Variants in COMMD1 observed in about 807,000 individuals in gnomAD.
COMMD1 encodes the protein copper metabolism domain containing 1, also known as COMM domain-containing protein 1.
A neutral mutation model predicts 17.2 loss-of-function variants in COMMD1; 10 were observed. The observed-to-expected ratio is 0.58, with a 90% CI of 0.36 to 0.99. The LOEUF (loss-of-function observed/expected upper bound fraction) is 0.99, where lower values mean the gene tolerates loss of function less well. COMMD1 is among the 50% of genes least tolerant of loss of function. The pLI is 0.01. For synonymous variants in COMMD1, 97 were observed against 91.6 expected (o/e 1.06, Z -0.34); for missense variants, 270 against 231.8 (o/e 1.17, Z -1.07).
chr2:61,920,495 A>G (rs1418371818), intron 1 of COMMD1, among the ~76,000 whole-genome samples: 1 of 151,988 alleles, frequency 6.6e-6, no homozygotes, highest in Non-Finnish European at 1.5e-5. Context: ...GTGTTCCTCT[A>G]AAAAAGGCTA....
rs757688090 is a variant in COMMD1 at position 62,135,851 on chromosome 2, G to A, written c.483G>A (p.Leu161=). 2.6e-5 allele frequency: 41 copies of A among 1,567,026 alleles called. 1 individual carries two copies. In the South Asian group the frequency reaches 4.4e-4, roughly 17 times the overall value. The change falls in exon 3 of 3, where the codon TTG becomes TTA. Residue 161 remains leucine (L), a synonymous_variant. Coordinates refer to ENST00000311832, the MANE Select transcript of COMMD1 (RefSeq NM_152516.4). ...TCCAGGAATCTGAATTTCTGTGTTTGGAATTTGATGAGGTCAAAGTCAACC... is the reference window on the plus strand; with the variant it reads ...TCCAGGAATCTGAATTTCTGTGTTTAGAATTTGATGAGGTCAAAGTCAACC... ...KYGQESEFLC[L]EFDEVKVNQI...
At chr2:61,999,930 C>CTT (rs113297946) in intron 1 of COMMD1, among the ~76,000 whole-genome samples, 2 of 140,138 alleles carry the variant, frequency 1.4e-5, no homozygotes, top group Non-Finnish European at 1.5e-5. Context: ...CCCCCACCCA[C>CTT]TTTTTTTTTT....
At chr2:62,048,785 G>C (rs954673997) in intron 2 of COMMD1, among the ~76,000 whole-genome samples, 2 of 151,880 alleles carry the variant, frequency 1.3e-5, no homozygotes, top group Non-Finnish European at 2.9e-5. Flanking sequence ...TACTTGTCTT[G>C]AGTATTTGGA....
intron 2 of COMMD1, among the ~76,000 whole-genome samples, chr2:62,067,723 C>T (rs13412733): frequency 3.1e-4 from 47 of 152,260 alleles, no homozygotes; most frequent in African/African-American, 1.0e-3. Flanking sequence ...CCTGTTTGCT[C>T]GGATTCTTCT....
chr2:61,962,230 C>G (rs539067465), intron 1 of COMMD1, among the ~76,000 whole-genome samples: 1 of 152,226 alleles, frequency 6.6e-6, no homozygotes, highest in South Asian at 2.1e-4. Context: ...TTTTCCACTA[C>G]TTCTGCTTGG....
intron 1 of COMMD1, among the ~76,000 whole-genome samples, chr2:61,956,625 G>A (rs1468443749): frequency 1.3e-5 from 2 of 152,002 alleles, no homozygotes; most frequent in East Asian, 3.9e-4. Flanking sequence ...TGGCCAGGCT[G>A]GTCTCAAACT....
intron 2 of COMMD1, among the ~76,000 whole-genome samples, chr2:62,095,822 G>A (rs10203966): frequency 1.5e-3 from 72 of 47,610 alleles, no homozygotes; most frequent in African/African-American, 5.7e-3. Flanking sequence ...ATATATATAT[G>A]CATATCAGGG....
At chr2:61,901,238 C>G (rs1384033761), upstream of COMMD1, among the ~76,000 whole-genome samples, 1 of 151,758 alleles carries the variant, frequency 6.6e-6, no homozygotes, top group South Asian at 2.1e-4. Context: ...TGAGCCACTG[C>G]GCACGACCAA....
At chr2:61,923,414 C>G (rs961371034) in intron 1 of COMMD1, among the ~76,000 whole-genome samples, 2 of 151,924 alleles carry the variant, frequency 1.3e-5, no homozygotes, top group African/African-American at 4.8e-5. Flanking sequence ...TTCTCAACAT[C>G]TAGCTAAATG....
At chr2:61,999,255 A>G (rs140691773) in intron 1 of COMMD1, among the ~76,000 whole-genome samples, 12 of 152,354 alleles carry the variant, frequency 7.9e-5, no homozygotes, top group Non-Finnish European at 1.3e-4. Context: ...GTGCAAATTT[A>G]AGGCATGTTA....
intron 1 of COMMD1, among the ~76,000 whole-genome samples, chr2:61,910,608 G>A (rs2105177157): frequency 6.6e-6 from 1 of 152,246 alleles, no homozygotes. Context: ...TTATAGGTAT[G>A]AGTTTGCGTG....
At chr2:61,961,450 T>TG (rs1210153731) in intron 1 of COMMD1, among the ~76,000 whole-genome samples, 2 of 152,240 alleles carry the variant, frequency 1.3e-5, no homozygotes, top group Non-Finnish European at 2.9e-5. Flanking sequence ...GGCTGGGGCT[T>TG]GTCTAGCTCT....
chr2:62,074,990 A>G (rs1187374394), intron 2 of COMMD1, among the ~76,000 whole-genome samples: 1 of 150,940 alleles, frequency 6.6e-6, no homozygotes, highest in Non-Finnish European at 1.5e-5. Context: ...CCCGGGTTCA[A>G]GCGATTCTCC....
intron 1 of COMMD1, among the ~76,000 whole-genome samples, chr2:61,896,083 C>T (rs1669543426): frequency 6.6e-6 from 1 of 152,152 alleles, no homozygotes; most frequent in Non-Finnish European, 1.5e-5. Context: ...GTGTTTGTTG[C>T]TTTAAATACA....
chr2:61,890,516 G>A (rs1669402617), intron 1 of COMMD1, among the ~76,000 whole-genome samples: 1 of 152,118 alleles, frequency 6.6e-6, no homozygotes, highest in African/African-American at 2.4e-5. Context: ...GAGCCACCTC[G>A]CCAAGTTGTT....
At chr2:62,104,795 A>T (rs1261699434) in intron 2 of COMMD1, among the ~76,000 whole-genome samples, 1 of 152,040 alleles carries the variant, frequency 6.6e-6, no homozygotes. Flanking sequence ...ACAAAACAGA[A>T]TCTGTCTTCT....
At chr2:62,004,048 A>C (rs984097201) in intron 2 of COMMD1, among the ~76,000 whole-genome samples, 1 of 152,120 alleles carries the variant, frequency 6.6e-6, no homozygotes, top group Non-Finnish European at 1.5e-5. Flanking sequence ...AAATCACTTG[A>C]GCCCGGAAGG....
At chr2:62,133,089 A>G (rs1221153974) in intron 2 of COMMD1, among the ~76,000 whole-genome samples, 9 of 152,234 alleles carry the variant, frequency 5.9e-5, no homozygotes, top group Admixed American at 5.9e-4. Context: ...TTCTAAGCTC[A>G]CATATGAGAC....
At chr2:61,937,963 C>T (rs1018944067) in intron 1 of COMMD1, among the ~76,000 whole-genome samples, 3 of 152,072 alleles carry the variant, frequency 2.0e-5, no homozygotes, top group African/African-American at 4.8e-5. Context: ...CACTCTCATG[C>T]GACAGTCCCT....
Sources: allele counts gnomAD v4.1 joint callset (sites outside exome capture counted in the v4.1 genomes callset), GRCh38; gene constraint gnomAD v4.1.1; transcripts MANE v1.5; gene names NCBI Gene and HGNC (gene_info 2026-07-23, HGNC 2026-07-21).